TPD52: variants seen among roughly 807,000 people sequenced by gnomAD.
TPD52 encodes prostate and colon associated protein.
A neutral mutation model predicts 31.3 loss-of-function variants in TPD52; 17 were observed. That is an observed-to-expected ratio of 0.54 (90% confidence interval 0.37 to 0.82). The LOEUF is 0.82. Ranked by LOEUF, TPD52 falls within the 40% of genes least tolerant of loss-of-function variation. TPD52 has a pLI of 0.00. For synonymous variants in TPD52, 83 were observed against 89.6 expected (o/e 0.93, Z 0.42); for missense variants, 212 against 240.1 (o/e 0.88, Z 0.77).
intron 1 of TPD52, among the ~76,000 whole-genome samples, chr8:80,135,150 C>T (rs1809302150): frequency 6.6e-6 from 1 of 152,156 alleles, no homozygotes; most frequent in African/African-American, 2.4e-5. Flanking sequence ...ACCACAAGAC[C>T]CAGTGAATTT....
chr8:80,139,928 G>A (rs1382979826), intron 1 of TPD52, among the ~76,000 whole-genome samples: 1 of 152,174 alleles, frequency 6.6e-6, no homozygotes, highest in African/African-American at 2.4e-5. Context: ...TTATCTGGCA[G>A]AAGTGAGCAA....
At chr8:80,168,420 A>C (rs1811857182) in intron 1 of TPD52, among the ~76,000 whole-genome samples, 1 of 152,190 alleles carries the variant, frequency 6.6e-6, no homozygotes, top group South Asian at 2.1e-4. Context: ...GGGATTTTTT[A>C]AGGGACAAAT....
intron 1 of TPD52, among the ~76,000 whole-genome samples, chr8:80,165,568 C>T (rs990831113): frequency 2.6e-5 from 4 of 152,172 alleles, no homozygotes; most frequent in African/African-American, 9.7e-5. Context: ...GAAGATGAAG[C>T]TCCCATATGA....
At chr8:80,124,805 GACAA>G (rs921059849) in intron 1 of TPD52, among the ~76,000 whole-genome samples, 4 of 151,966 alleles carry the variant, frequency 2.6e-5, no homozygotes, top group African/African-American at 7.3e-5. Flanking sequence ...TGACCATTAA[GACAA>G]ACAAACAAAC....
chr8:80,078,476 C>T (rs1392655647), intron 1 of TPD52, among the ~76,000 whole-genome samples: 2 of 152,238 alleles, frequency 1.3e-5, no homozygotes, highest in African/African-American at 4.8e-5. Context: ...ACACATTATT[C>T]ATTCCATCGA....
chr8:80,151,627 T>C (rs1253205132), intron 1 of TPD52, among the ~76,000 whole-genome samples: 1 of 152,220 alleles, frequency 6.6e-6, no homozygotes, highest in Admixed American at 6.5e-5. Flanking sequence ...ATCAGCATAA[T>C]AAGAAAGTCT....
chr8:80,153,112 G>C (rs1810697577), intron 1 of TPD52, among the ~76,000 whole-genome samples: 1 of 152,170 alleles, frequency 6.6e-6, no homozygotes, highest in Non-Finnish European at 1.5e-5. Context: ...TTATTACAAA[G>C]AAATGTCTTA....
At chr8:80,158,751 C>G (rs531162199) in intron 1 of TPD52, 2 of 151,376 alleles carry the variant, frequency 1.3e-5, no homozygotes, top group African/African-American at 2.4e-5. Flanking sequence ...GAGACCATCC[C>G]GGCTAAAACG....
chr8:80,130,115 T>C (rs887215049), intron 1 of TPD52, among the ~76,000 whole-genome samples: 6 of 152,176 alleles, frequency 3.9e-5, no homozygotes, highest in African/African-American at 1.2e-4. Context: ...TTGGCTCAGA[T>C]TGCTCAGAGA....
chr8:80,156,132 G>A (rs1810958095), intron 1 of TPD52, among the ~76,000 whole-genome samples: 2 of 152,138 alleles, frequency 1.3e-5, no homozygotes. Context: ...CAGTTGGGGG[G>A]ACTTGAAGAC....
At chr8:80,052,101 C>T (rs917348422) in intron 3 of TPD52, among the ~76,000 whole-genome samples, 1 of 152,156 alleles carries the variant, frequency 6.6e-6, no homozygotes, top group Admixed American at 6.5e-5. Flanking sequence ...ATTTTATTAT[C>T]CAAATACATT....
chr8:80,121,316 T>C (rs1378023382), intron 1 of TPD52, among the ~76,000 whole-genome samples: 2 of 151,996 alleles, frequency 1.3e-5, no homozygotes, highest in African/African-American at 2.4e-5. Flanking sequence ...AAAGGCAAGA[T>C]GTGACAGGAG....
rs1554582865 is a variant in TPD52, at chr8:80,072,317, A to ATATGTGTG, written c.20-7725_20-7724insCACACATA. ...GAGAGACTCCATCTAAAAAACATAT[A>ATATGTGTG]TGTGTGTGTGTGTGTGTGTGTGTGT... On this transcript the variant is annotated intron_variant, in intron 1 of 7. Coordinates refer to ENST00000518937, the MANE Select transcript of TPD52 (RefSeq NM_001025253.3). 1.1e-3 allele frequency among the ~76,000 whole-genome samples: 132 copies of ATATGTGTG among 121,348 alleles called. 4 individuals carry two copies. The highest frequency in any genetic ancestry group is 3.2e-3 in the African/African-American group (89 of 27,432). The allele number at this position is 121,348 out of a possible 152,430, so 79.6% of individuals were successfully genotyped here.
At chr8:80,114,943 G>A (rs1563636877) in intron 1 of TPD52, among the ~76,000 whole-genome samples, 1 of 152,094 alleles carries the variant, frequency 6.6e-6, no homozygotes, top group Non-Finnish European at 1.5e-5. Flanking sequence ...TGTCTGAGTC[G>A]TACCCCTCCA....
chr8:80,084,174 T>A (rs2130848713), intron 1 of TPD52, among the ~76,000 whole-genome samples: 1 of 152,282 alleles, frequency 6.6e-6, no homozygotes, highest in South Asian at 2.1e-4. Context: ...ATCTGCTATC[T>A]TGTCAATTTT....
chr8:80,161,658 G>A (rs978689118), intron 1 of TPD52, among the ~76,000 whole-genome samples: 7 of 151,318 alleles, frequency 4.6e-5, no homozygotes, highest in Non-Finnish European at 8.8e-5. Context: ...TACAATGGGT[G>A]AAATTTCATC....
chr8:80,062,404 T>C (rs945317427), intron 2 of TPD52, among the ~76,000 whole-genome samples: 2 of 152,182 alleles, frequency 1.3e-5, no homozygotes, highest in Middle Eastern at 3.2e-3. Context: ...GATCAAGGGC[T>C]TAAATCTTAA....
intron 2 of TPD52, among the ~76,000 whole-genome samples, chr8:80,055,739 A>T (rs899549218): frequency 2.0e-5 from 3 of 152,244 alleles, no homozygotes; most frequent in Admixed American, 6.5e-5. Flanking sequence ...ATCTAAATAG[A>T]CATTTCTCAG....
At chr8:80,102,050 G>A (rs946167244) in intron 1 of TPD52, among the ~76,000 whole-genome samples, 1 of 152,202 alleles carries the variant, frequency 6.6e-6, no homozygotes, top group Admixed American at 6.5e-5. Flanking sequence ...AGTACAACTC[G>A]ACTCACAATA....
Sources: allele counts gnomAD v4.1 joint callset (sites outside exome capture counted in the v4.1 genomes callset), GRCh38; gene constraint gnomAD v4.1.1; transcripts MANE v1.5; gene names NCBI Gene and HGNC (gene_info 2026-07-23, HGNC 2026-07-21).